The following DHX15 variants were observed in gnomAD, a reference collection of about 807,000 sequenced individuals.
The protein encoded by DHX15 is ATP-dependent RNA helicase DHX15.
A neutral mutation model predicts 94.4 loss-of-function variants in DHX15; 11 were observed. The observed-to-expected ratio is 0.12, with a 90% confidence interval of 0.07 to 0.19. The LOEUF (loss-of-function observed/expected upper bound fraction) is 0.19. Ranked by LOEUF, DHX15 falls within the 10% of genes least tolerant of loss-of-function variation. The pLI is 1.00. For synonymous variants in DHX15, 338 were observed against 329.9 expected (o/e 1.02, Z -0.27); for missense variants, 304 against 988.5 (o/e 0.31, Z 9.29).
intron 2 of DHX15, among the ~76,000 whole-genome samples, chr4:24,573,463 T>C (rs755585578): frequency 2.6e-5 from 4 of 152,172 alleles, no homozygotes; most frequent in Non-Finnish European, 5.9e-5. Flanking sequence ...AGCAAAGCCA[T>C]TTCTCACCTT....
intron 3 of DHX15, among the ~76,000 whole-genome samples, chr4:24,566,963 T>C (rs1268544297): frequency 1.3e-5 from 2 of 152,210 alleles, no homozygotes; most frequent in African/African-American, 4.8e-5. Context: ...TTATTTGCTT[T>C]AACAAGAACA....
At chr4:24,570,081 G>A (rs989926420) in intron 3 of DHX15, among the ~76,000 whole-genome samples, 1 of 152,178 alleles carries the variant, frequency 6.6e-6, no homozygotes, top group Non-Finnish European at 1.5e-5. Flanking sequence ...ACAATAAAAA[G>A]TTGGTAGAGT....
At chr4:24,538,931 A>C (rs1037261112) in intron 10 of DHX15, 1 of 152,128 alleles carries the variant, frequency 6.6e-6, no homozygotes, top group Non-Finnish European at 1.5e-5. Flanking sequence ...TTCTTGCCCC[A>C]CACTTTCTCT....
intron 13 of DHX15, 70 bp downstream of exon 13, chr4:24,529,531 C>A (rs1721033698): frequency 7.3e-7 from 1 of 1,367,854 alleles, no homozygotes; most frequent in South Asian, 1.2e-5. Flanking sequence ...GGCCATGACT[C>A]TAGCAACAGT....
intron 3 of DHX15, among the ~76,000 whole-genome samples, chr4:24,557,971 T>G (rs1435250829): frequency 7.8e-5 from 10 of 128,836 alleles, no homozygotes; most frequent in African/African-American, 2.1e-4. Flanking sequence ...GTCTGTTGAT[T>G]TGCAAGGCAA....
Position 24,554,803 on chromosome 4 carries a change from T to G in DHX15, c.1002A>C (p.Ala334=). 6.2e-7 allele frequency: 1 copy of G among 1,613,850 alleles called. No individual in the cohort carries two copies. Among genetic ancestry groups the G allele is most frequent in the African/African-American group, 1.3e-5 (1 of 75,046 alleles). The change falls in exon 5 of 14, where the codon GCA becomes GCC. Residue 334 remains alanine, a synonymous_variant. Transcript: ENST00000336812. ...GAATCTGGATAACTGTTCGAATTGCTGCTTCAAGATAATCTCTCTCTGGTT... is the reference window on the plus strand; with the variant it reads ...GAATCTGGATAACTGTTCGAATTGCGGCTTCAAGATAATCTCTCTCTGGTT... ...TPEPERDYLE[A]AIRTVIQIHM...
At chr4:24,563,891 C>A (rs1359645060) in intron 3 of DHX15, among the ~76,000 whole-genome samples, 1 of 151,766 alleles carries the variant, frequency 6.6e-6, no homozygotes, top group Non-Finnish European at 1.5e-5. Context: ...CAGTGAAACC[C>A]GTTTCTACTA....
At position 24,584,160 on chromosome 4, in the gene DHX15, G is replaced by A. The variant is rs750614169; in HGVS notation, c.71+163C>T. On this transcript the variant is annotated intron_variant, in intron 1 of 13. Coordinates refer to ENST00000336812, the MANE Select transcript of DHX15 (RefSeq NM_001358.3). ...CAACCCCCCGCGCCCTTGCCGGGCC[G>A]AACGGGCGCCGCGCTTCTCCTACCC... The A allele has an allele frequency of 9.6e-6, 7 of 729,698 alleles. No individual in the cohort carries two copies. In the East Asian group the frequency reaches 1.5e-4, roughly 15 times the overall value. The allele number at this position is 729,698 out of a possible 1,614,324, so 45.2% of individuals were successfully genotyped here. A position where few individuals can be genotyped will look rare whatever the true frequency, so the allele number is the denominator to read the frequency against.
chr4:24,541,040 T>C, intron 8 of DHX15, 92 bp from the exon 9 acceptor site: 1 of 688,544 alleles, frequency 1.5e-6, no homozygotes, highest in Non-Finnish European at 2.5e-6. Flanking sequence ...CCTGAGCTAT[T>C]TGTTTTGGCA....
intron 5 of DHX15, among the ~76,000 whole-genome samples, chr4:24,554,323 A>T (rs1721676661): frequency 6.6e-6 from 1 of 152,234 alleles, no homozygotes; most frequent in Admixed American, 6.5e-5. Context: ...ATATGGGAAG[A>T]CAAAACCAAA....
chr4:24,559,976 T>A (rs1297871355), intron 3 of DHX15, among the ~76,000 whole-genome samples: 1 of 152,184 alleles, frequency 6.6e-6, no homozygotes, highest in African/African-American at 2.4e-5. Flanking sequence ...TAAGTAACAG[T>A]TCAGCTTTTC....
intron 6 of DHX15, among the ~76,000 whole-genome samples, chr4:24,543,769 T>A (rs1330745328): frequency 6.6e-6 from 1 of 152,278 alleles, no homozygotes; most frequent in South Asian, 2.1e-4. Context: ...ACATGTTACA[T>A]ATAATTTTTT....
chr4:24,570,631 G>A (rs779695583), intron 3 of DHX15, 23 bp downstream of exon 3: 46 of 1,607,534 alleles, frequency 2.9e-5, no homozygotes, highest in African/African-American at 1.3e-4. Context: ...GACTAAAAGC[G>A]TCATTAAAGA....
At chr4:24,578,754 AGGGTCTC>A (rs1206734978) in intron 1 of DHX15, among the ~76,000 whole-genome samples, 2 of 152,046 alleles carry the variant, frequency 1.3e-5, no homozygotes, top group African/African-American at 4.8e-5. Context: ...TGTAGAGATA[AGGGTCTC>A]ACCATGTTGC....
chr4:24,581,745 C>G (rs1722420426), intron 1 of DHX15, among the ~76,000 whole-genome samples: 1 of 152,142 alleles, frequency 6.6e-6, no homozygotes, highest in Non-Finnish European at 1.5e-5. Flanking sequence ...AAAAACGCCC[C>G]TAACATCGAA....
intron 3 of DHX15, among the ~76,000 whole-genome samples, chr4:24,567,027 C>CA (rs1722007436): frequency 6.6e-6 from 1 of 152,096 alleles, no homozygotes; most frequent in Non-Finnish European, 1.5e-5. Flanking sequence ...ATAGAAGGTA[C>CA]TTAACTATTA....
intron 3 of DHX15, among the ~76,000 whole-genome samples, chr4:24,557,888 A>G (rs531273893): frequency 1.3e-5 from 2 of 151,922 alleles, no homozygotes; most frequent in South Asian, 2.1e-4. Context: ...ACTCTTGTAC[A>G]TGATCTCAGT....
intron 11 of DHX15, among the ~76,000 whole-genome samples, chr4:24,536,003 T>A (rs1322901816): frequency 6.6e-6 from 1 of 152,074 alleles, no homozygotes; most frequent in Non-Finnish European, 1.5e-5. Context: ...TGTAGGGCTA[T>A]CAGTTAAAAA....
chr4:24,548,140 CTTTTTTTTTT>C (rs71196189), intron 6 of DHX15, among the ~76,000 whole-genome samples: 3 of 108,164 alleles, frequency 2.8e-5, no homozygotes, highest in Non-Finnish European at 5.5e-5. Context: ...ATCAGTGCTA[CTTTTTTTTTT>C]TTTTTTTTTT....
Sources: allele counts gnomAD v4.1 joint callset (sites outside exome capture counted in the v4.1 genomes callset), GRCh38; gene constraint gnomAD v4.1.1; transcripts MANE v1.5; gene names NCBI Gene and HGNC (gene_info 2026-07-23, HGNC 2026-07-21).